MTA1: variants seen among roughly 807,000 people sequenced by gnomAD.
MTA1 encodes metastasis-associated protein MTA1.
A neutral mutation model predicts 97.0 loss-of-function variants in MTA1; 15 were observed. The observed-to-expected ratio is 0.15, with a 90% CI of 0.10 to 0.24. The LOEUF (loss-of-function observed/expected upper bound fraction) is 0.24, where lower values mean the gene tolerates loss of function less well. Among genes scored for constraint, MTA1 ranks in the 10% least tolerant of loss-of-function variants. The pLI, the probability that MTA1 is intolerant of heterozygous loss-of-function variation, is 1.00. For missense variants in MTA1, 709 were observed against 1,015.1 expected, an observed-to-expected ratio of 0.70 and a Z score of 4.10; for synonymous variants, 435 against 417.5, an observed-to-expected ratio of 1.04 and a Z score of -0.51.
In MTA1 at chr14:105,465,175, G is replaced by A. The variant is rs782784025; in HGVS notation, c.1616G>A (p.Arg539Gln). ...CGCAAGCCGCTGGAAGCCGTGCTTC[G>A]GTATCTTGGTGAGCAGCCAGGCGTG... ...AVRKPLEAVL[R>Q]YLETHPRPPK... The change falls in exon 16 of 21, where the codon CGG becomes CAG. Residue 539 changes from arginine (R) to glutamine (Q), a missense_variant. By Grantham distance (43) the Arg-to-Gln change is conservative. Coordinates refer to ENST00000331320, the MANE Select transcript of MTA1 (RefSeq NM_004689.4). The A allele has an allele frequency of 1.8e-5, 27 of 1,518,756 alleles. No homozygotes were observed. Among genetic ancestry groups the A allele is most frequent in the South Asian group, 8.4e-5 (7 of 83,044 alleles). 94.1% of individuals were successfully genotyped at this position (1,518,756 alleles called of 1,614,324 possible).
Position 105,464,935 on chromosome 14 carries a change from A to C in MTA1, c.1534+72A>C. 4 of 1,480,000 alleles carry C rather than the reference A, an allele frequency of 2.7e-6. No homozygotes were observed. In the Admixed American group the frequency reaches 9.1e-5, roughly 34 times the overall value. The allele number at this position is 1,480,000 out of a possible 1,614,324, so 91.7% of individuals were successfully genotyped here. A position where few individuals can be genotyped will look rare whatever the true frequency, so the allele number is the denominator to read the frequency against. ...GGAGAGAGCAGCAACCTTGGGGCCCAGCCTGTAGCCCCACTGGGAGTTCTG... is the reference window on the plus strand; with the variant it reads ...GGAGAGAGCAGCAACCTTGGGGCCCCGCCTGTAGCCCCACTGGGAGTTCTG... On this transcript the variant is annotated intron_variant, in intron 15 of 20. Transcript: ENST00000331320.
Position 105,458,250 on chromosome 14 carries a change from G to C in MTA1, c.551-20G>C. ...CGCCGTGGGACCCCGTCTCAGAAAG[G>C]CCACACTTCCTCCCTGTAGGCGAGG... On this transcript the variant is annotated intron_variant, in intron 7 of 20. Coordinates refer to ENST00000331320, the MANE Select transcript of MTA1 (RefSeq NM_004689.4). The C allele has an allele frequency of 1.2e-6, 2 of 1,609,258 alleles. No homozygotes were observed. The highest frequency in any genetic ancestry group is 1.7e-6 in the Non-Finnish European group (2 of 1,177,118).
intron 3 of MTA1, among the ~76,000 whole-genome samples, chr14:105,448,464 C>T (rs911870742): frequency 6.6e-6 from 1 of 152,114 alleles, no homozygotes; most frequent in Non-Finnish European, 1.5e-5. Context: ...TGGCATAGGG[C>T]GGGCGTGAAC....
At chr14:105,453,221 G>T (rs1437789492) in intron 6 of MTA1, among the ~76,000 whole-genome samples, 1 of 152,294 alleles carries the variant, frequency 6.6e-6, no homozygotes, top group Non-Finnish European at 1.5e-5. Flanking sequence ...GTGGCGGCCG[G>T]CGGTGCTGAG....
At chr14:105,440,026 C>G (rs587706866) in intron 2 of MTA1, among the ~76,000 whole-genome samples, 18 of 152,350 alleles carry the variant, frequency 1.2e-4, no homozygotes, top group African/African-American at 3.6e-4. Context: ...CTGCCACCAC[C>G]TGGGGCCGAG....
chr14:105,470,255 G>A lies in MTA1; in HGVS notation c.*40G>A, dbSNP rs182942428. On this transcript the variant is annotated 3_prime_UTR_variant, in exon 21 of 21. Coordinates refer to ENST00000331320, the MANE Select transcript of MTA1 (RefSeq NM_004689.4). ...TGCGGCCGCCCCCCGCCCCTCGCCCGCCCACACGGCCCCTTCCCAGCCAGC... is the reference window on the plus strand; with the variant it reads ...TGCGGCCGCCCCCCGCCCCTCGCCCACCCACACGGCCCCTTCCCAGCCAGC... 9.3e-4 allele frequency: 986 copies of A among 1,063,938 alleles called. 11 individuals carry two copies. In the Admixed American group the frequency reaches 0.045, roughly 49 times the overall value. 65.9% of individuals were successfully genotyped at this position (1,063,938 alleles called of 1,614,324 possible).
At chr14:105,436,004 C>A (rs1595298493) in intron 1 of MTA1, among the ~76,000 whole-genome samples, 1 of 152,168 alleles carries the variant, frequency 6.6e-6, no homozygotes, top group Admixed American at 6.5e-5. Flanking sequence ...CATGGTGGCT[C>A]ATGCCTGTAA....
Position 105,424,316 on chromosome 14 carries a change from C to T in MTA1, c.28+4253C>T, listed in dbSNP as rs1306697747. 1.3e-5 allele frequency among the ~76,000 whole-genome samples: 2 copies of T among 152,180 alleles called. No individual in the cohort carries two copies. The highest frequency in any genetic ancestry group is 4.8e-5 in the African/African-American group (2 of 41,440). On this transcript the variant is annotated intron_variant, in intron 1 of 20. Transcript: ENST00000331320. This position sits in a 1 kb window ranked among gnomAD's most constrained non-coding sequence, Gnocchi z 4.0. ...TCACACCATTCTCCTGCCTCAGCCT[C>T]CCAAGTAGCTGGGACTACAGGCGCC...
At chr14:105,441,652 G>C (rs1177931005) in intron 2 of MTA1, among the ~76,000 whole-genome samples, 4 of 152,178 alleles carry the variant, frequency 2.6e-5, no homozygotes, top group Non-Finnish European at 5.9e-5. Context: ...AAATTAGCCG[G>C]GCGTGGTGGC....
rs1324304347 is a variant in MTA1, at chr14:105,463,848, G to A, written c.1077-184G>A. 3.6e-5 allele frequency: 24 copies of A among 675,296 alleles called. No homozygotes were observed. The highest frequency in any genetic ancestry group is 3.6e-4 in the Middle Eastern group (1 of 2,796). The allele number at this position is 675,296 out of a possible 1,614,324, so 41.8% of individuals were successfully genotyped here. On this transcript the variant is annotated intron_variant, in intron 12 of 20. Coordinates refer to ENST00000331320, the MANE Select transcript of MTA1 (RefSeq NM_004689.4). This position sits in a 1 kb window ranked among gnomAD's most constrained non-coding sequence, Gnocchi z 5.9. Reference sequence around the variant, plus strand: ...GGGGGAGCACGGGGGCCTGGAGAACGGCTCAGACCTCAGCAGTGGCTCCCA... The same window carrying A: ...GGGGGAGCACGGGGGCCTGGAGAACAGCTCAGACCTCAGCAGTGGCTCCCA...
Position 105,469,894 on chromosome 14 carries a change from C to T in MTA1, c.1899C>T (p.Arg633=), listed in dbSNP as rs138551132. The change falls in exon 20 of 21, where the codon CGC becomes CGT. Residue 633 remains arginine, a synonymous_variant. Transcript: ENST00000331320. ...LNGKSYPTKV[R]LIRGGSLPPV... is the part of the protein sequence containing the mutation. ...GGAAGTCCTACCCCACCAAAGTGCG[C>T]CTGATCCGGGGGGGCTCCCTGCCCC... 364 of 1,611,440 alleles carry T rather than the reference C, an allele frequency of 2.3e-4. 1 individual carries two copies. The African/African-American group carries it at 4.5e-3, about 20-fold the overall frequency.
At chr14:105,454,805 C>T (rs2083080375) in intron 7 of MTA1, 1 of 156,104 alleles carries the variant, frequency 6.4e-6, no homozygotes, top group Non-Finnish European at 1.4e-5. Flanking sequence ...CGGGGTTTCA[C>T]CGTGTTGGCC....
Position 105,462,824 on chromosome 14 carries a change from G to A in MTA1, c.943-360G>A, listed in dbSNP as rs150375167. ...GCAGAGGTTGCAGCGAGCCGAGATTGTACTACTGCACTCCAGCCTGGGTGA... is the reference window on the plus strand; with the variant it reads ...GCAGAGGTTGCAGCGAGCCGAGATTATACTACTGCACTCCAGCCTGGGTGA... On this transcript the variant is annotated intron_variant, in intron 10 of 20. Coordinates refer to ENST00000331320, the MANE Select transcript of MTA1 (RefSeq NM_004689.4). Among the ~76,000 whole-genome samples the A allele has an allele frequency of 6.0e-3, 913 of 152,230 alleles. 3 individuals are homozygous for A. The highest frequency in any genetic ancestry group is 8.8e-3 in the Non-Finnish European group (596 of 68,018).
At position 105,422,614 on chromosome 14, in the gene MTA1, G is replaced by A. The variant is rs1397224553; in HGVS notation, c.28+2551G>A. Among the ~76,000 whole-genome samples, 1 of 152,212 alleles carries A rather than the reference G, an allele frequency of 6.6e-6. No homozygotes were observed. The highest frequency in any genetic ancestry group is 2.4e-5 in the African/African-American group (1 of 41,462). ...TTCAGATAAACAGAAATTTATTAGTGTAAGTATGTCCCAAATATGGCATGG... is the reference window on the plus strand; with the variant it reads ...TTCAGATAAACAGAAATTTATTAGTATAAGTATGTCCCAAATATGGCATGG... On this transcript the variant is annotated intron_variant, in intron 1 of 20. Transcript: ENST00000331320. The surrounding 1 kb of genome is among the most constrained non-coding windows in gnomAD (Gnocchi z 4.3).
Position 105,470,088 on chromosome 14 carries a change from C to G in MTA1, c.2021C>G (p.Ser674Cys), listed in dbSNP as rs587744067. ...AGGAAGATCCGCAAGCTGCTCTCAT[C>G]CTCGGAAACCAAGCGTGCTGCCCGC... ...ETRKIRKLLS[S>C]SETKRAARRP... The change falls in exon 21 of 21, where the codon TCC becomes TGC. Residue 674 changes from serine to cysteine, a missense_variant. Physicochemically the swap from Ser to Cys is moderately radical, Grantham distance 112. Coordinates refer to ENST00000331320, the MANE Select transcript of MTA1 (RefSeq NM_004689.4). The G allele has an allele frequency of 1.2e-6, 2 of 1,612,642 alleles. No individual in the cohort carries two copies. The highest frequency in any genetic ancestry group is 3.3e-5 in the Admixed American group (2 of 60,018).
At chr14:105,467,540 A>C (rs1389271144) in intron 18 of MTA1, 1 of 453,566 alleles carries the variant, frequency 2.2e-6, no homozygotes, top group African/African-American at 2.0e-5. Context: ...GCTGCAGCGC[A>C]GGGTGGGCCT....
At chr14:105,449,531 C>T (rs1333708541) in intron 4 of MTA1, 122 bp downstream of exon 4, 69 of 1,112,510 alleles carry the variant, frequency 6.2e-5, no homozygotes, top group Admixed American at 4.2e-4. Flanking sequence ...TGCGCCCGGC[C>T]GGCCCGGCTG....
chr14:105,443,376 G>T (rs1401190974), intron 2 of MTA1, among the ~76,000 whole-genome samples: 2 of 152,086 alleles, frequency 1.3e-5, no homozygotes, highest in South Asian at 4.2e-4. Flanking sequence ...TTTCTTTTTT[G>T]TTGTTGCTTT....
rs1478330948 is a variant in MTA1, at chr14:105,463,699, G to A, written c.1076+148G>A. On this transcript the variant is annotated intron_variant, in intron 12 of 20. Transcript: ENST00000331320. The surrounding 1 kb of genome is among the most constrained non-coding windows in gnomAD (Gnocchi z 5.9). ...GCCCCCGGGAGGGCGGCCCAGGGCT[G>A]GGGGGTTCTGGCTGCAGACGCAGTG... 3 of 739,190 alleles carry A rather than the reference G, an allele frequency of 4.1e-6. No individual in the cohort carries two copies. Among genetic ancestry groups the A allele is most frequent in the African/African-American group, 3.5e-5 (2 of 56,484 alleles). 45.8% of individuals were successfully genotyped at this position (739,190 alleles called of 1,614,324 possible). A position where few individuals can be genotyped will look rare whatever the true frequency, so the allele number is the denominator to read the frequency against.
Sources: gnomAD v4.1 joint callset for allele counts (sites outside exome capture counted in the v4.1 genomes callset) on GRCh38, gnomAD v4.1.1 for gene constraint, Gnocchi (gnomAD v3.1) non-coding constraint, MANE v1.5 for transcripts, NCBI Gene and HGNC (gene_info 2026-07-23, HGNC 2026-07-21) for gene names.